STAG2: variants seen among roughly 807,000 people sequenced by gnomAD.
STAG2 encodes the protein cohesin subunit SA-2.
Under a neutral mutation model 108.1 loss-of-function variants are expected in STAG2, and 14 were observed. The observed-to-expected ratio is 0.13, with a 90% confidence interval of 0.09 to 0.20. STAG2 has a LOEUF of 0.20. STAG2 is among the 10% of genes least tolerant of loss of function. The probability of loss-of-function intolerance (pLI) is 1.00; values close to 1 mark genes in which losing one functional copy is unlikely to be tolerated. For missense variants in STAG2, 440 were observed against 940.9 expected, an observed-to-expected ratio of 0.47 and a Z score of 6.96; for synonymous variants, 307 against 302.7, an observed-to-expected ratio of 1.01 and a Z score of -0.15.
At chrX:124,077,582 A>G (rs1164862864) in intron 26 of STAG2, among the ~76,000 whole-genome samples, 1 of 112,041 alleles carries the variant, frequency 8.9e-6, no homozygotes, top group Non-Finnish European at 1.9e-5. Flanking sequence ...TGAATTAGTT[A>G]TAAGTGTAAC....
At chrX:124,084,983 C>A (rs1475917444) in intron 29 of STAG2, among the ~76,000 whole-genome samples, 1 of 111,768 alleles carries the variant, frequency 8.9e-6, no homozygotes, top group East Asian at 2.8e-4. Flanking sequence ...AGATACCCCA[C>A]AGAAACTCCT....
At chrX:124,035,844 C>G (rs2057501120) in intron 5 of STAG2, among the ~76,000 whole-genome samples, 2 of 111,790 alleles carry the variant, frequency 1.8e-5, no homozygotes, top group South Asian at 7.4e-4. Context: ...TCCAAGAGAC[C>G]AGTGCAGTTG....
At chrX:124,002,665 C>T (rs2056096072) in intron 1 of STAG2, among the ~76,000 whole-genome samples, 2 of 110,762 alleles carry the variant, frequency 1.8e-5, no homozygotes, top group African/African-American at 3.3e-5. Context: ...ACTCTTGTTA[C>T]CCAGGCTGGA....
At chrX:124,066,880 C>T (rs1410207987) in intron 23 of STAG2, among the ~76,000 whole-genome samples, 1 of 111,879 alleles carries the variant, frequency 8.9e-6, no homozygotes, top group Non-Finnish European at 1.9e-5. Context: ...GTGCCAGCGC[C>T]AGCTATTAGT....
chrX:124,052,322 C>T (rs2058068399), intron 13 of STAG2, among the ~76,000 whole-genome samples: 1 of 111,988 alleles, frequency 8.9e-6, no homozygotes. Flanking sequence ...ACCCATTAAA[C>T]ACTGATTCTT....
chrX:124,088,671 A>G (rs936866484), intron 30 of STAG2, among the ~76,000 whole-genome samples: 3 of 101,547 alleles, frequency 3.0e-5, no homozygotes, highest in Non-Finnish European at 6.0e-5. Flanking sequence ...CTGGAGTGCA[A>G]TGGTGTGATG....
At chrX:124,097,776 T>G in intron 34 of STAG2, 1 of 282,987 alleles carries the variant, frequency 3.5e-6, no homozygotes, top group South Asian at 3.2e-5. Flanking sequence ...AGTTAGCAAG[T>G]GTCCGAGTAG....
chrX:124,061,163 C>A, intron 15 of STAG2, 61 bp from the exon 16 acceptor site: 2 of 842,493 alleles, frequency 2.4e-6, no homozygotes, highest in Non-Finnish European at 3.3e-6. Flanking sequence ...AGTTTCCATT[C>A]TTTTGAGTTA....
intron 14 of STAG2, among the ~76,000 whole-genome samples, chrX:124,057,390 GTTAA>G (rs2058238231): frequency 8.9e-6 from 1 of 112,131 alleles, no homozygotes; most frequent in African/African-American, 3.2e-5. Context: ...GCTGTTTAGT[GTTAA>G]TTCTCTTTGT....
chrX:124,087,683 C>T (rs773425217), intron 30 of STAG2, among the ~76,000 whole-genome samples: 55 of 112,300 alleles, frequency 4.9e-4, no homozygotes, highest in African/African-American at 1.8e-3. Flanking sequence ...ACTAGCATAG[C>T]GTAATTTCTG....
intron 7 of STAG2, among the ~76,000 whole-genome samples, chrX:124,043,184 A>T (rs1685182419): frequency 9.7e-6 from 1 of 102,731 alleles, no homozygotes; most frequent in Admixed American, 1.1e-4. Context: ...CCCAGGCTGG[A>T]GTGCAGTGGC....
At chrX:124,098,085 T>C (rs2148523574) in intron 34 of STAG2, among the ~76,000 whole-genome samples, 1 of 110,500 alleles carries the variant, frequency 9.0e-6, no homozygotes, top group Admixed American at 9.8e-5. Context: ...GTATCTATTT[T>C]TGACATTTAA....
chrX:124,031,135 ATGT>A lies in STAG2; in HGVS notation c.288+15_288+17del, dbSNP rs1324581642. The A allele has an allele frequency of 3.3e-6, 4 of 1,196,848 alleles. No individual in the cohort carries two copies. The highest frequency in any genetic ancestry group is 4.5e-6 in the Non-Finnish European group (4 of 888,693). ...CAAGAGTGCTATGCAGGTAAGATTT[ATGT>A]TGTTCTTCCCAGTTCATTTGTACAT... On this transcript the variant is annotated intron_variant, in intron 5 of 34. Coordinates refer to ENST00000371145, the MANE Select transcript of STAG2 (RefSeq NM_001042750.2).
intron 20 of STAG2, among the ~76,000 whole-genome samples, chrX:124,065,430 T>A (rs1026634283): frequency 9.0e-6 from 1 of 111,517 alleles, no homozygotes; most frequent in Non-Finnish European, 1.9e-5. Flanking sequence ...GACCAGCATA[T>A]CTAGTCATTT....
At position 124,052,501 on chromosome X, in the gene STAG2, G is replaced by A. The variant is rs72610619; in HGVS notation, c.1196+1107G>A. On this transcript the variant is annotated intron_variant, in intron 13 of 34. Coordinates refer to ENST00000371145, the MANE Select transcript of STAG2 (RefSeq NM_001042750.2). Reference sequence around the variant, plus strand: ...CAAGTTTCATACATTATTATAGCACGTACTCCTGTTTATAGCTGAATATTT... The same window carrying A: ...CAAGTTTCATACATTATTATAGCACATACTCCTGTTTATAGCTGAATATTT... Among the ~76,000 whole-genome samples, 157 of 112,178 alleles carry A rather than the reference G, an allele frequency of 1.4e-3. 3 individuals carry two copies. In the East Asian group the frequency reaches 0.033, roughly 23 times the overall value.
In STAG2 at chrX:124,052,050, A is replaced by G. The variant is rs139410310; in HGVS notation, c.1196+656A>G. Reference sequence around the variant, plus strand: ...TTTGTTACACTTTTAGAGTATGAGCATTTATAAGAATGTCTGTTATACTTC... The same window carrying G: ...TTTGTTACACTTTTAGAGTATGAGCGTTTATAAGAATGTCTGTTATACTTC... On this transcript the variant is annotated intron_variant, in intron 13 of 34. Coordinates refer to ENST00000371145, the MANE Select transcript of STAG2 (RefSeq NM_001042750.2). Among the ~76,000 whole-genome samples the G allele has an allele frequency of 7.2e-3, 804 of 112,177 alleles. 7 individuals carry two copies. Among genetic ancestry groups the G allele is most frequent in the African/African-American group, 0.025 (757 of 30,779 alleles).
At chrX:124,061,192 T>C (rs1569515352) in intron 15 of STAG2, 32 bp from the exon 16 acceptor site, 4 of 1,068,019 alleles carry the variant, frequency 3.7e-6, no homozygotes, top group Middle Eastern at 2.5e-4. Flanking sequence ...ATGATAATTG[T>C]CTAAGACCAC....
chrX:123,966,027 A>G (rs1032560143), intron 1 of STAG2, among the ~76,000 whole-genome samples: 1 of 110,870 alleles, frequency 9.0e-6, no homozygotes, highest in African/African-American at 3.3e-5. Flanking sequence ...ACTAAAATGT[A>G]CAGTTTACTA....
chrX:124,037,441 C>A, intron 5 of STAG2, 86 bp from the exon 6 acceptor site: 1 of 488,450 alleles, frequency 2.0e-6, no homozygotes, highest in South Asian at 4.6e-5. Flanking sequence ...ACTATATAAT[C>A]TTGAATTTTA....
Sources: gnomAD v4.1 joint callset for allele counts (sites outside exome capture counted in the v4.1 genomes callset) on GRCh38, gnomAD v4.1.1 for gene constraint, MANE v1.5 for transcripts, NCBI Gene and HGNC (gene_info 2026-07-23, HGNC 2026-07-21) for gene names.